The following TXNDC16 variants were observed in gnomAD, a reference collection of about 807,000 sequenced individuals.
TXNDC16 encodes thioredoxin domain containing 16.
Under a neutral mutation model 85.6 loss-of-function variants are expected in TXNDC16, and 74 were observed. The ratio of observed to expected loss-of-function variants is 0.86; its 90% CI spans 0.72 to 1.05. The LOEUF (loss-of-function observed/expected upper bound fraction) is 1.05, where lower values mean the gene tolerates loss of function less well. Ranked by LOEUF, TXNDC16 falls within the 50% of genes least tolerant of loss-of-function variation. The probability of loss-of-function intolerance (pLI) is 0.00; values close to 1 mark genes in which losing one functional copy is unlikely to be tolerated. For synonymous variants in TXNDC16, 335 were observed against 326.5 expected (o/e 1.03, Z -0.28); for missense variants, 959 against 947.0 (o/e 1.01, Z -0.17).
At chr14:52,446,421 T>G (rs1363556081) in intron 18 of TXNDC16, among the ~76,000 whole-genome samples, 1 of 152,160 alleles carries the variant, frequency 6.6e-6, no homozygotes, top group Non-Finnish European at 1.5e-5. Flanking sequence ...AAGTCAGAAC[T>G]TGAATTACAG....
intron 2 of TXNDC16, among the ~76,000 whole-genome samples, chr14:52,544,011 G>C (rs1171605636): frequency 6.6e-6 from 1 of 151,950 alleles, no homozygotes; most frequent in African/African-American, 2.4e-5. Context: ...ATACCATTTA[G>C]ATGGGAGTGA....
At chr14:52,485,849 T>G (rs1006819962) in intron 12 of TXNDC16, among the ~76,000 whole-genome samples, 10 of 152,184 alleles carry the variant, frequency 6.6e-5, no homozygotes, top group Admixed American at 3.9e-4. Flanking sequence ...TCAGAAACTA[T>G]CCTCATCGTT....
intron 1 of TXNDC16, among the ~76,000 whole-genome samples, chr14:52,552,006 T>C (rs2038063212): frequency 2.0e-5 from 3 of 152,292 alleles, no homozygotes; most frequent in African/African-American, 7.2e-5. Flanking sequence ...TACTCTTCCT[T>C]AAGAGACATT....
chr14:52,434,875 A>T (rs2034989981), intron 20 of TXNDC16, among the ~76,000 whole-genome samples: 3 of 152,232 alleles, frequency 2.0e-5, no homozygotes, highest in African/African-American at 7.2e-5. Flanking sequence ...CATAGAAATG[A>T]TGGAAACCCG....
At chr14:52,527,013 C>G (rs2037351543) in intron 6 of TXNDC16, among the ~76,000 whole-genome samples, 1 of 152,222 alleles carries the variant, frequency 6.6e-6, no homozygotes. Flanking sequence ...ATGGAAGCTC[C>G]ACGCCCCTTT....
chr14:52,477,936 T>G (rs1014001085), intron 14 of TXNDC16, among the ~76,000 whole-genome samples: 2 of 151,978 alleles, frequency 1.3e-5, no homozygotes, highest in African/African-American at 4.8e-5. Flanking sequence ...GGCCACAAAA[T>G]GAGCCTCAAT....
chr14:52,537,421 A>G (rs568124983), intron 5 of TXNDC16, among the ~76,000 whole-genome samples, 178 bp downstream of exon 5: 1 of 152,314 alleles, frequency 6.6e-6, no homozygotes, highest in Admixed American at 6.5e-5. Context: ...TGTTTTATAA[A>G]TAAGGAAGTT....
chr14:52,543,446 T>C lies in TXNDC16; in HGVS notation c.112A>G (p.Ser38Gly), dbSNP rs774041538. The change falls in exon 3 of 21, where the codon AGT becomes GGT. Residue 38 changes from serine (S) to glycine (G), a missense_variant. Ser to Gly is a moderately conservative substitution (Grantham distance 56). Coordinates refer to ENST00000281741, the MANE Select transcript of TXNDC16 (RefSeq NM_020784.3). The part of the protein sequence containing the change: ...LPELSPQKYF[S>G]TLQPGKASLA... ...GAGGCTTTTCCTGGTTGCAATGTAC[T>C]AAAATATTTCTGAGGACTCAGTTCT... is the stretch of plus-strand genomic sequence containing the variant. The C allele has an allele frequency of 2.5e-6, 4 of 1,613,318 alleles. No individual in the cohort carries two copies. Among genetic ancestry groups the C allele is most frequent in the Middle Eastern group, 1.7e-4 (1 of 6,054 alleles).
chr14:52,526,193 T>C (rs2037331600), intron 6 of TXNDC16, among the ~76,000 whole-genome samples: 1 of 152,162 alleles, frequency 6.6e-6, no homozygotes, highest in Non-Finnish European at 1.5e-5. Flanking sequence ...TTTGTATATT[T>C]AGAAGGCAGA....
Position 52,488,396 on chromosome 14 carries a change from C to A in TXNDC16, c.1075G>T (p.Asp359Tyr). ...NNMHIEEIQE[D>Y]EDNDMEGPDI... ...GGACCTTCCATGTCATTGTCTTCAT[C>A]TTCTTGTATTTCCTCAATGTGCATA... The change falls in exon 12 of 21, where the codon GAT (aspartate) becomes TAT (tyrosine). Residue 359 changes from aspartate to tyrosine, a missense_variant. By Grantham distance (160) the Asp-to-Tyr change is radical. Transcript: ENST00000281741. 6.2e-7 allele frequency: 1 copy of A among 1,613,668 alleles called. No homozygotes were observed. The highest frequency in any genetic ancestry group is 8.5e-7 in the Non-Finnish European group (1 of 1,179,740).
chr14:52,529,109 A>C (rs1166266814), intron 6 of TXNDC16, among the ~76,000 whole-genome samples: 2 of 151,128 alleles, frequency 1.3e-5, no homozygotes, highest in Admixed American at 1.3e-4. Context: ...TGGATTAAGA[A>C]AATGTGGCAC....
chr14:52,505,496 T>C (rs1594738663), intron 9 of TXNDC16, among the ~76,000 whole-genome samples: 1 of 152,120 alleles, frequency 6.6e-6, no homozygotes, highest in East Asian at 1.9e-4. Flanking sequence ...AAGGCAGAAA[T>C]AAAGATGTCT....
chr14:52,474,638 G>A (rs186951386), intron 14 of TXNDC16, among the ~76,000 whole-genome samples: 423 of 152,042 alleles, frequency 2.8e-3, no homozygotes, highest in Middle Eastern at 0.017. Context: ...GCTGAGGCAG[G>A]AGAATCACTT....
At chr14:52,433,900 T>G (rs1281815481) in intron 20 of TXNDC16, among the ~76,000 whole-genome samples, 1 of 152,194 alleles carries the variant, frequency 6.6e-6, no homozygotes, top group Non-Finnish European at 1.5e-5. Context: ...CAGTTTAGGC[T>G]GGGCATGGTG....
At chr14:52,508,705 G>C (rs546980895) in intron 9 of TXNDC16, among the ~76,000 whole-genome samples, 2 of 152,252 alleles carry the variant, frequency 1.3e-5, no homozygotes, top group South Asian at 4.1e-4. Context: ...ACAAAATGTG[G>C]CATATATACA....
intron 20 of TXNDC16, among the ~76,000 whole-genome samples, chr14:52,436,452 G>A (rs2035028771): frequency 6.6e-6 from 1 of 152,142 alleles, no homozygotes; most frequent in South Asian, 2.1e-4. Flanking sequence ...AATGGGTATG[G>A]GGTTTCTTTT....
At chr14:52,480,097 T>C (rs879371549) in intron 14 of TXNDC16, among the ~76,000 whole-genome samples, 3 of 152,080 alleles carry the variant, frequency 2.0e-5, no homozygotes, top group Admixed American at 6.6e-5. Context: ...GCTGAGATAA[T>C]TGGCAAGCCA....
At chr14:52,453,757 T>C (rs974206273) in intron 18 of TXNDC16, among the ~76,000 whole-genome samples, 2 of 152,288 alleles carry the variant, frequency 1.3e-5, no homozygotes, top group South Asian at 2.1e-4. Flanking sequence ...TTTCACCATA[T>C]ACAAAACCCA....
At chr14:52,440,942 C>A (rs2035150129) in intron 18 of TXNDC16, among the ~76,000 whole-genome samples, 1 of 152,106 alleles carries the variant, frequency 6.6e-6, no homozygotes, top group African/African-American at 2.4e-5. Context: ...AATAAAACTA[C>A]ACAGAATTTG....
Sources: gnomAD v4.1 joint callset for allele counts (sites outside exome capture counted in the v4.1 genomes callset) on GRCh38, gnomAD v4.1.1 for gene constraint, MANE v1.5 for transcripts, NCBI Gene and HGNC (gene_info 2026-07-23, HGNC 2026-07-21) for gene names.